Variants in DPP6 observed in about 807,000 individuals in gnomAD.
DPP6 encodes dipeptidyl peptidase like 6.
Under a neutral mutation model 122.6 loss-of-function variants are expected in DPP6, and 69 were observed. The ratio of observed to expected loss-of-function variants is 0.56; its 90% confidence interval spans 0.46 to 0.69. The LOEUF is 0.69. DPP6 is among the 30% of genes least tolerant of loss of function. DPP6 has a pLI of 0.00. For missense variants in DPP6, 928 were observed against 1,116.9 expected (o/e 0.83, Z 2.41); for synonymous variants, 418 against 433.1 (o/e 0.97, Z 0.43).
At chr7:154,693,192 G>A (rs3823521) in intron 7 of DPP6, among the ~76,000 whole-genome samples, 24,811 of 152,058 alleles carry the variant, frequency 0.16, 2,828 homozygotes, top group African/African-American at 0.31. Context: ...ACAGCTGTGA[G>A]TGTGCTGTGA....
At chr7:153,962,946 A>G (rs1032364590) in intron 1 of DPP6, among the ~76,000 whole-genome samples, 1 of 152,122 alleles carries the variant, frequency 6.6e-6, no homozygotes, top group Non-Finnish European at 1.5e-5. Context: ...CACATCCTTC[A>G]AGACCCAATT....
intron 5 of DPP6, among the ~76,000 whole-genome samples, chr7:154,572,517 T>TG (rs1831183667): frequency 2.0e-5 from 1 of 48,904 alleles, no homozygotes; most frequent in Non-Finnish European, 3.9e-5. Flanking sequence ...TTTCTTTTTT[T>TG]TTTTTTTTTT....
Position 154,320,531 on chromosome 7 carries a change from C to G in DPP6, c.244-125683C>G, listed in dbSNP as rs138815618. Among the ~76,000 whole-genome samples the G allele has an allele frequency of 5.3e-5, 8 of 151,954 alleles. No homozygotes were observed. The South Asian group carries it at 1.2e-3, about 24-fold the overall frequency. On this transcript the variant is annotated intron_variant, in intron 1 of 25. Coordinates refer to ENST00000377770, the MANE Select transcript of DPP6 (RefSeq NM_130797.4). ...CAGAATTTTCCTCTGTTGCCCAGGT[C>G]GGAGTGCAGCAGTGCGATCTCGGCT...
At chr7:153,917,660 C>T (rs933572905) in intron 1 of DPP6, among the ~76,000 whole-genome samples, 16 of 152,264 alleles carry the variant, frequency 1.1e-4, no homozygotes, top group African/African-American at 3.6e-4. Flanking sequence ...TAAAAACAAA[C>T]GTTTACAGCA....
At chr7:154,595,358 T>C (rs956944148) in intron 5 of DPP6, among the ~76,000 whole-genome samples, 2 of 152,190 alleles carry the variant, frequency 1.3e-5, no homozygotes, top group Non-Finnish European at 2.9e-5. Flanking sequence ...ATGCCCGTGT[T>C]CCTGCCTTGC....
At chr7:153,969,851 C>G (rs1305302887) in intron 1 of DPP6, among the ~76,000 whole-genome samples, 4 of 151,198 alleles carry the variant, frequency 2.6e-5, no homozygotes, top group Non-Finnish European at 5.9e-5. Context: ...CCTTTACACC[C>G]CAGCCCTTGG....
chr7:153,993,845 T>C (rs1367557388), intron 1 of DPP6, among the ~76,000 whole-genome samples: 1 of 152,124 alleles, frequency 6.6e-6, no homozygotes, highest in East Asian at 1.9e-4. Flanking sequence ...ACCCAGTACA[T>C]CTCCTGTCTT....
At chr7:154,600,050 C>T (rs1210046746) in intron 5 of DPP6, among the ~76,000 whole-genome samples, 1 of 152,162 alleles carries the variant, frequency 6.6e-6, no homozygotes, top group African/African-American at 2.4e-5. Context: ...AAGCTATCCT[C>T]CTGCTCCTGG....
intron 1 of DPP6, among the ~76,000 whole-genome samples, chr7:154,108,286 A>G (rs1444050879): frequency 1.3e-5 from 2 of 152,184 alleles, no homozygotes; most frequent in Non-Finnish European, 2.9e-5. Flanking sequence ...TAAGTGGCCC[A>G]CCGGTCATCT....
At chr7:154,746,832 G>A (rs972309273) in intron 8 of DPP6, among the ~76,000 whole-genome samples, 1 of 152,132 alleles carries the variant, frequency 6.6e-6, no homozygotes, top group African/African-American at 2.4e-5. Flanking sequence ...TACAACACAC[G>A]ACCAAAATAT....
At chr7:154,759,020 AG>A (rs1393888568) in intron 8 of DPP6, among the ~76,000 whole-genome samples, 20 of 152,166 alleles carry the variant, frequency 1.3e-4, no homozygotes, top group Admixed American at 1.3e-3. Context: ...CCCAATTTTG[AG>A]GGGCCTAGAG....
At chr7:153,899,993 G>A (rs1231050914) in intron 1 of DPP6, among the ~76,000 whole-genome samples, 2 of 152,200 alleles carry the variant, frequency 1.3e-5, no homozygotes, top group Non-Finnish European at 2.9e-5. Flanking sequence ...ACGTATTCTA[G>A]AGAGTGGTTC....
chr7:154,636,715 T>C (rs979907029), intron 5 of DPP6, among the ~76,000 whole-genome samples: 1 of 152,214 alleles, frequency 6.6e-6, no homozygotes, highest in African/African-American at 2.4e-5. Flanking sequence ...TTCGAGAAGT[T>C]AATTCAGTGG....
At chr7:154,689,436 G>T (rs1839813454) in intron 7 of DPP6, among the ~76,000 whole-genome samples, 1 of 152,098 alleles carries the variant, frequency 6.6e-6, no homozygotes, top group East Asian at 1.9e-4. Context: ...ATGATCATGT[G>T]GGTTTTTTTT....
intron 16 of DPP6, among the ~76,000 whole-genome samples, chr7:154,849,973 T>C (rs898175318): frequency 1.3e-5 from 2 of 152,252 alleles, no homozygotes; most frequent in Admixed American, 6.5e-5. Flanking sequence ...CTGATTTGTG[T>C]ATATTGAACC....
At chr7:154,338,051 G>T (rs1191050651) in intron 1 of DPP6, among the ~76,000 whole-genome samples, 1 of 152,164 alleles carries the variant, frequency 6.6e-6, no homozygotes, top group African/African-American at 2.4e-5. Flanking sequence ...TTGTTTTCAC[G>T]TGGCATTTCA....
At chr7:153,839,344 C>A in the DPP6 span, among the ~76,000 whole-genome samples, 1 of 152,136 alleles carries the variant, frequency 6.6e-6, no homozygotes, top group Non-Finnish European at 1.5e-5. Context: ...CTTAGTGGTC[C>A]CTTCGAGGTT....
chr7:154,252,213 C>CGTGTGT (rs141850746), intron 1 of DPP6, among the ~76,000 whole-genome samples: 4,556 of 150,566 alleles, frequency 0.03, 92 homozygotes, highest in East Asian at 0.071. Flanking sequence ...CACAATGTCA[C>CGTGTGT]GTGTGTGTGT....
chr7:154,699,611 C>A (rs1033307324), intron 7 of DPP6, among the ~76,000 whole-genome samples: 7 of 152,184 alleles, frequency 4.6e-5, no homozygotes, highest in Non-Finnish European at 1.5e-5. Flanking sequence ...GAACTTGCCG[C>A]CCCCAGACAG....
Sources: allele counts gnomAD v4.1 joint callset (sites outside exome capture counted in the v4.1 genomes callset), GRCh38; gene constraint gnomAD v4.1.1; transcripts MANE v1.5; gene names NCBI Gene and HGNC (gene_info 2026-07-23, HGNC 2026-07-21).